SNTG1: variants seen among roughly 807,000 people sequenced by gnomAD.
SNTG1 encodes syntrophin gamma 1, also known as gamma-1-syntrophin.
SNTG1 carries 39 observed loss-of-function variants against 74.7 expected under a neutral mutation model. The observed-to-expected ratio is 0.52, with a 90% CI of 0.40 to 0.68. The LOEUF (loss-of-function observed/expected upper bound fraction) is 0.68. Among genes scored for constraint, SNTG1 ranks in the 30% least tolerant of loss-of-function variants. The pLI, the probability that SNTG1 is intolerant of heterozygous loss-of-function variation, is 0.00. For missense variants in SNTG1, 685 were observed against 609.5 expected, an observed-to-expected ratio of 1.12 and a Z score of -1.30; for synonymous variants, 254 against 217.1, an observed-to-expected ratio of 1.17 and a Z score of -1.49.
chr8:50,033,110 A>G (rs1335903544), intron 1 of SNTG1, among the ~76,000 whole-genome samples: 15 of 151,542 alleles, frequency 9.9e-5, no homozygotes, highest in Non-Finnish European at 1.0e-4. Context: ...GAACTATGCA[A>G]TAAAAAGTGT....
chr8:49,917,411 C>T (rs972294637), intron 1 of SNTG1, among the ~76,000 whole-genome samples: 13 of 152,116 alleles, frequency 8.5e-5, no homozygotes, highest in African/African-American at 2.2e-4. Flanking sequence ...GACTTAAGTT[C>T]GAATCCTGTT....
chr8:50,460,569 T>A (rs2093551654), intron 8 of SNTG1, among the ~76,000 whole-genome samples: 1 of 152,216 alleles, frequency 6.6e-6, no homozygotes, highest in Non-Finnish European at 1.5e-5. Flanking sequence ...AAAGCCGATG[T>A]CCAAAATGGT....
chr8:50,707,797 A>G (rs1371564773), intron 16 of SNTG1: 6 of 323,964 alleles, frequency 1.9e-5, no homozygotes, highest in Non-Finnish European at 2.2e-5. Flanking sequence ...TTAAATGCAA[A>G]TAAAACTGGC....
intron 8 of SNTG1, among the ~76,000 whole-genome samples, chr8:50,474,203 A>G (rs1187385571): frequency 6.6e-6 from 1 of 152,144 alleles, no homozygotes; most frequent in African/African-American, 2.4e-5. Context: ...AGCAATGGCA[A>G]CACAACCCAA....
At chr8:50,559,821 T>C (rs1023049983) in intron 12 of SNTG1, among the ~76,000 whole-genome samples, 5 of 152,094 alleles carry the variant, frequency 3.3e-5, no homozygotes, top group Non-Finnish European at 5.9e-5. Context: ...TGGACAAAGA[T>C]TTCATGACAA....
intron 1 of SNTG1, among the ~76,000 whole-genome samples, chr8:50,115,369 T>G (rs1231494429): frequency 1.3e-5 from 2 of 151,162 alleles, no homozygotes; most frequent in African/African-American, 4.9e-5. Flanking sequence ...GAGTTCAAGA[T>G]CAGCCTGGCT....
At chr8:50,001,908 T>C (rs1270814858) in intron 1 of SNTG1, among the ~76,000 whole-genome samples, 2 of 152,132 alleles carry the variant, frequency 1.3e-5, no homozygotes, top group Non-Finnish European at 2.9e-5. Flanking sequence ...GTTTTGTAGA[T>C]AAGAACAATA....
At chr8:50,126,513 A>G (rs2081144051) in intron 1 of SNTG1, among the ~76,000 whole-genome samples, 1 of 152,114 alleles carries the variant, frequency 6.6e-6, no homozygotes, top group Non-Finnish European at 1.5e-5. Context: ...TGAAAAAAAG[A>G]TATGCATAAA....
chr8:50,209,051 A>C (rs4873426), intron 2 of SNTG1, among the ~76,000 whole-genome samples: 65,263 of 151,856 alleles, frequency 0.43, 17,741 homozygotes, highest in African/African-American at 0.78. Flanking sequence ...ACAGTCTTAG[A>C]AAATGGCACA....
chr8:50,720,818 T>C (rs1365704583), intron 17 of SNTG1, among the ~76,000 whole-genome samples: 1 of 152,214 alleles, frequency 6.6e-6, no homozygotes, highest in Admixed American at 6.5e-5. Flanking sequence ...ACATGTTCTA[T>C]AGAATAAGTT....
Position 50,615,182 on chromosome 8 carries a change from G to A in SNTG1, c.849+24265G>A, listed in dbSNP as rs540739532. On this transcript the variant is annotated intron_variant, in intron 13 of 18. Transcript: ENST00000642720. ...TCACCAGTTTAGCCAGGATGGTCTC[G>A]ATCTCTTGACCTCATGATCTGCCTG... Among the ~76,000 whole-genome samples, 4 of 151,956 alleles carry A rather than the reference G, an allele frequency of 2.6e-5. No homozygotes were observed. The East Asian group carries it at 7.7e-4, about 29-fold the overall frequency.
At chr8:50,130,783 T>G (rs571595843) in intron 1 of SNTG1, among the ~76,000 whole-genome samples, 2 of 152,086 alleles carry the variant, frequency 1.3e-5, no homozygotes, top group African/African-American at 4.8e-5. Flanking sequence ...TGGGTAAACA[T>G]AAATAAACAC....
At chr8:50,652,487 A>G (rs1445426071) in intron 13 of SNTG1, among the ~76,000 whole-genome samples, 1 of 151,998 alleles carries the variant, frequency 6.6e-6, no homozygotes, top group Non-Finnish European at 1.5e-5. Flanking sequence ...TCCGTTTTTC[A>G]TTTTATATAT....
At chr8:50,106,018 T>G (rs1320169123) in intron 1 of SNTG1, among the ~76,000 whole-genome samples, 1 of 152,154 alleles carries the variant, frequency 6.6e-6, no homozygotes, top group African/African-American at 2.4e-5. Context: ...TGGATGCCTT[T>G]TATTTCTTTC....
At chr8:50,165,020 C>A (rs533239475) in intron 1 of SNTG1, among the ~76,000 whole-genome samples, 5 of 152,100 alleles carry the variant, frequency 3.3e-5, no homozygotes, top group Non-Finnish European at 7.4e-5. Context: ...ATGCTTCCCC[C>A]TCCCCAGCAG....
At chr8:50,628,589 T>A (rs1334580945) in intron 13 of SNTG1, among the ~76,000 whole-genome samples, 1 of 152,152 alleles carries the variant, frequency 6.6e-6, no homozygotes, top group Non-Finnish European at 1.5e-5. Flanking sequence ...TGAGTGTTCA[T>A]CAGAATCTAT....
chr8:50,437,787 T>A (rs2093319556), intron 4 of SNTG1, among the ~76,000 whole-genome samples: 1 of 152,214 alleles, frequency 6.6e-6, no homozygotes, highest in Admixed American at 6.5e-5. Flanking sequence ...TATGTAAAGA[T>A]GACTGCCCAA....
chr8:49,958,278 C>T (rs1810362067), intron 1 of SNTG1, among the ~76,000 whole-genome samples: 1 of 152,122 alleles, frequency 6.6e-6, no homozygotes, highest in African/African-American at 2.4e-5. Flanking sequence ...AGGCACATAC[C>T]TGCGGACAGA....
intron 2 of SNTG1, among the ~76,000 whole-genome samples, chr8:50,385,257 C>G (rs2092555963): frequency 6.6e-6 from 1 of 152,174 alleles, no homozygotes; most frequent in Admixed American, 6.5e-5. Flanking sequence ...AGTCACTTCT[C>G]TAAAGAGGCC....
Sources: allele counts gnomAD v4.1 joint callset (sites outside exome capture counted in the v4.1 genomes callset), GRCh38; gene constraint gnomAD v4.1.1; transcripts MANE v1.5; gene names NCBI Gene and HGNC (gene_info 2026-07-23, HGNC 2026-07-21).